Variants in MAF observed in about 807,000 individuals in gnomAD.
MAF encodes the protein MAF bZIP transcription factor, also known as transcription factor Maf.
MAF carries 10 observed loss-of-function variants against 22.0 expected under a neutral mutation model. That is an observed-to-expected ratio of 0.45 (90% CI 0.28 to 0.77). MAF has a LOEUF of 0.77. Ranked by LOEUF, MAF falls within the 30% of genes least tolerant of loss-of-function variation. The pLI is 0.12. For synonymous variants in MAF, 337 were observed against 255.8 expected (o/e 1.32, Z -3.03); for missense variants, 544 against 548.4 (o/e 0.99, Z 0.08).
the MAF span, among the ~76,000 whole-genome samples, chr16:79,339,708 A>T: frequency 6.6e-6 from 1 of 152,210 alleles, no homozygotes; most frequent in East Asian, 1.9e-4. Flanking sequence ...ACACCATAGA[A>T]AGGGAGAATG....
At chr16:79,530,321 C>T in the MAF span, among the ~76,000 whole-genome samples, 1 of 152,130 alleles carries the variant, frequency 6.6e-6, no homozygotes, top group Non-Finnish European at 1.5e-5. Context: ...GACCTACATC[C>T]ATAGTCATGC....
chr16:79,543,002 T>C, the MAF span, among the ~76,000 whole-genome samples: 1 of 152,158 alleles, frequency 6.6e-6, no homozygotes, highest in Non-Finnish European at 1.5e-5. Flanking sequence ...TATGTGCAGT[T>C]ATGTTTTCTC....
At chr16:79,556,773 G>C in the MAF span, among the ~76,000 whole-genome samples, 1 of 152,102 alleles carries the variant, frequency 6.6e-6, no homozygotes, top group East Asian at 1.9e-4. Context: ...GGGTAAGTTA[G>C]GTAATCTATC....
At chr16:79,509,708 C>T in the MAF span, among the ~76,000 whole-genome samples, 2 of 152,232 alleles carry the variant, frequency 1.3e-5, no homozygotes, top group Non-Finnish European at 2.9e-5. Context: ...CATGGCATTG[C>T]CTCTCCCTCA....
the MAF span, among the ~76,000 whole-genome samples, chr16:79,313,250 T>C: frequency 2.0e-5 from 3 of 152,186 alleles, no homozygotes; most frequent in South Asian, 6.2e-4. Flanking sequence ...CGGCAACATT[T>C]TCACTTAACA....
the MAF span, among the ~76,000 whole-genome samples, chr16:79,267,757 C>A: frequency 6.6e-6 from 1 of 152,158 alleles, no homozygotes; most frequent in African/African-American, 2.4e-5. Flanking sequence ...GGGGAGAACA[C>A]AAAGAGTGCA....
the MAF span, among the ~76,000 whole-genome samples, chr16:79,309,414 C>A: frequency 1.3e-5 from 2 of 152,196 alleles, no homozygotes; most frequent in Non-Finnish European, 2.9e-5. Context: ...TTTTCTCATA[C>A]CCCACTTCTT....
At chr16:79,218,468 G>C in the MAF span, among the ~76,000 whole-genome samples, 3 of 152,146 alleles carry the variant, frequency 2.0e-5, no homozygotes, top group Non-Finnish European at 4.4e-5. Context: ...CGTAGAACTG[G>C]AGTTCCTTGA....
the MAF span, among the ~76,000 whole-genome samples, chr16:79,380,163 A>C: frequency 6.6e-6 from 1 of 152,186 alleles, no homozygotes; most frequent in Non-Finnish European, 1.5e-5. Flanking sequence ...ATATTTCAAA[A>C]ATCCCAGTTT....
the MAF span, among the ~76,000 whole-genome samples, chr16:79,319,835 A>G: frequency 6.6e-6 from 1 of 152,224 alleles, no homozygotes. Context: ...AAATACGGAA[A>G]TACATCATTT....
the MAF span, among the ~76,000 whole-genome samples, chr16:79,535,576 A>ATTG: frequency 3.4e-5 from 4 of 118,120 alleles, no homozygotes; most frequent in Non-Finnish European, 7.1e-5. Context: ...AGCATCAAGC[A>ATTG]TTGCTTCTTC....
chr16:79,330,665 A>C, the MAF span, among the ~76,000 whole-genome samples: 1 of 152,240 alleles, frequency 6.6e-6, no homozygotes, highest in Non-Finnish European at 1.5e-5. Context: ...GGTAGTCATC[A>C]AAACAGCTCC....
the MAF span, among the ~76,000 whole-genome samples, chr16:79,293,850 AG>A: frequency 6.6e-5 from 10 of 151,684 alleles, no homozygotes; most frequent in African/African-American, 2.2e-4. Flanking sequence ...AGAGAGAGAG[AG>A]AGAGAGAGAG....
At chr16:79,316,468 C>T in the MAF span, among the ~76,000 whole-genome samples, 5 of 152,186 alleles carry the variant, frequency 3.3e-5, no homozygotes, top group East Asian at 3.8e-4. Context: ...ATGTGTTTCT[C>T]GGTTTCCATG....
At chr16:79,415,258 G>C in the MAF span, among the ~76,000 whole-genome samples, 1 of 145,016 alleles carries the variant, frequency 6.9e-6, no homozygotes, top group Non-Finnish European at 1.5e-5. Context: ...AGAGACAGAA[G>C]GAAAGAACAA....
At chr16:79,431,460 A>C in the MAF span, among the ~76,000 whole-genome samples, 4 of 152,192 alleles carry the variant, frequency 2.6e-5, no homozygotes, top group Non-Finnish European at 5.9e-5. Context: ...CCGTACATAC[A>C]TACACTGTGC....
chr16:79,469,643 C>T, the MAF span, among the ~76,000 whole-genome samples: 2 of 152,150 alleles, frequency 1.3e-5, no homozygotes, highest in African/African-American at 2.4e-5. Context: ...GTTGCCCAGA[C>T]TGGAGTGCAG....
chr16:79,599,810 T>C lies in MAF; in HGVS notation c.93A>G (p.Glu31=). Residue 31 remains glutamate (E), a synonymous_variant, in exon 1 of 2, where the codon GAA becomes GAG. Coordinates refer to ENST00000326043, the MANE Select transcript of MAF (RefSeq NM_005360.5). ...YVNDFDLMKF[E]VKKEPVETDR... is the part of the protein sequence containing the mutation. The stretch of plus-strand genomic sequence containing the variant: ...CGGTCTCCACCGGTTCCTTTTTCAC[T>C]TCAAACTTCATCAGATCGAAGTCAT... 3.7e-6 allele frequency: 6 copies of C among 1,612,922 alleles called. No homozygotes were observed. Among genetic ancestry groups the C allele is most frequent in the Non-Finnish European group, 5.1e-6 (6 of 1,179,934 alleles).
the MAF span, among the ~76,000 whole-genome samples, chr16:79,572,082 C>G: frequency 1.1e-4 from 16 of 152,200 alleles, 1 homozygote. Context: ...TAAGGGGATT[C>G]CACCTCTAAG....
Sources: allele counts gnomAD v4.1 joint callset (sites outside exome capture counted in the v4.1 genomes callset), GRCh38; gene constraint gnomAD v4.1.1; transcripts MANE v1.5; gene names NCBI Gene and HGNC (gene_info 2026-07-23, HGNC 2026-07-21).